SLCO3A1: variants seen among roughly 807,000 people sequenced by gnomAD.
SLCO3A1 encodes the protein solute carrier organic anion transporter family member 3A1, also known as PGE1 transporter.
In SLCO3A1, 27 loss-of-function variants were observed where a neutral mutation model predicts 63.1. The observed-to-expected ratio is 0.43, with a 90% CI of 0.32 to 0.59. SLCO3A1 has a LOEUF of 0.59. Among genes scored for constraint, SLCO3A1 ranks in the 20% least tolerant of loss-of-function variants. The pLI, the probability that SLCO3A1 is intolerant of heterozygous loss-of-function variation, is 0.09. For synonymous variants in SLCO3A1, 473 were observed against 409.9 expected, an observed-to-expected ratio of 1.15 and a Z score of -1.86; for missense variants, 773 against 945.8, an observed-to-expected ratio of 0.82 and a Z score of 2.40.
rs1170202401 is a variant in SLCO3A1 at position 91,989,937 on chromosome 15, C to T, written c.646+73479C>T. On this transcript the variant is annotated intron_variant, in intron 2 of 9. Transcript: ENST00000318445. ...AGATTATGAGAATGAAAACTTCTTC[C>T]ATTTGCCTTGAAAAGATTAGCTGTA... Among the ~76,000 whole-genome samples the T allele has an allele frequency of 2.0e-5, 3 of 152,172 alleles. 1 individual carries two copies. Among genetic ancestry groups the T allele is most frequent in the Middle Eastern group, 6.3e-3 (2 of 316 alleles).
At position 92,128,504 on chromosome 15, in the gene SLCO3A1, C is replaced by T. The variant is rs757093130; in HGVS notation, c.1512+15C>T. On this transcript the variant is annotated intron_variant, in intron 7 of 9. Transcript: ENST00000318445. ...GCAACAGCACGGTAATGGGATGGGG[C>T]AGGGGATGGGGCAGGGGATTCAGGC... The T allele has an allele frequency of 3.2e-6, 5 of 1,563,574 alleles. No individual in the cohort carries two copies. In the Admixed American group the frequency reaches 6.9e-5, roughly 22 times the overall value.
In SLCO3A1 at chr15:91,883,003, C is replaced by G. The variant is rs994310215; in HGVS notation, c.180+28915C>G. Among the ~76,000 whole-genome samples the G allele has an allele frequency of 1.3e-5, 2 of 152,182 alleles. No individual in the cohort carries two copies. Among genetic ancestry groups the G allele is most frequent in the African/African-American group, 4.8e-5 (2 of 41,440 alleles). On this transcript the variant is annotated intron_variant, in intron 1 of 9. Transcript: ENST00000318445. The surrounding 1 kb of genome is among the most constrained non-coding windows in gnomAD (Gnocchi z 4.8). ...GTGAGTAAGGGAATGACAGATGGGA[C>G]AGCAGCCACCATGCAAGCCAGGCAG...
chr15:92,160,979 G>T (rs1567155166), intron 9 of SLCO3A1, among the ~76,000 whole-genome samples: 1 of 152,148 alleles, frequency 6.6e-6, no homozygotes, highest in Non-Finnish European at 1.5e-5. Context: ...GGTGCATTTT[G>T]CTGGGCTATG....
chr15:91,944,940 A>G (rs970219829), intron 2 of SLCO3A1, among the ~76,000 whole-genome samples: 1 of 152,132 alleles, frequency 6.6e-6, no homozygotes, highest in African/African-American at 2.4e-5. Context: ...CTTTTCTCCA[A>G]TATTCTCTTT....
In SLCO3A1 at chr15:91,869,522, G is replaced by GAA. The variant is rs67400392; in HGVS notation, c.180+15446_180+15447dup. Reference sequence around the variant, plus strand: ...CTGCACTCCAGTCTCTGTCTCAAAGGAAAAAAAAAAAAATTAAAAAATTAG... The same window carrying GAA: ...CTGCACTCCAGTCTCTGTCTCAAAGGAAAAAAAAAAAAAAATTAAAAAATTAG... On this transcript the variant is annotated intron_variant, in intron 1 of 9. Coordinates refer to ENST00000318445, the MANE Select transcript of SLCO3A1 (RefSeq NM_013272.4). 3.0e-3 allele frequency among the ~76,000 whole-genome samples: 438 copies of GAA among 144,110 alleles called. 5 individuals carry two copies. The highest frequency in any genetic ancestry group is 8.6e-3 in the African/African-American group (334 of 38,972). 94.5% of individuals were successfully genotyped at this position (144,110 alleles called of 152,430 possible). A position where few individuals can be genotyped will look rare whatever the true frequency, so the allele number is the denominator to read the frequency against.
intron 7 of SLCO3A1, among the ~76,000 whole-genome samples, chr15:92,129,445 C>G (rs1275058422): frequency 1.3e-5 from 2 of 152,206 alleles, no homozygotes; most frequent in Non-Finnish European, 2.9e-5. Flanking sequence ...CCAATGTCCC[C>G]TCCTCTGAAA....
intron 1 of SLCO3A1, among the ~76,000 whole-genome samples, chr15:91,871,551 A>G (rs1897278274): frequency 6.6e-6 from 1 of 152,194 alleles, no homozygotes; most frequent in Admixed American, 6.5e-5. Flanking sequence ...TCAGAAGAAG[A>G]GAATATAGGG....
At chr15:91,878,064 A>G (rs1161829105) in intron 1 of SLCO3A1, among the ~76,000 whole-genome samples, 6 of 149,752 alleles carry the variant, frequency 4.0e-5, no homozygotes, top group Non-Finnish European at 5.9e-5. Context: ...ATCAGGTGGC[A>G]TCTGAAGTAG....
In SLCO3A1 at chr15:91,854,192, C is replaced by A; in HGVS notation, c.180+104C>A. On this transcript the variant is annotated intron_variant, in intron 1 of 9. Transcript: ENST00000318445. This position sits in a 1 kb window ranked among gnomAD's most constrained non-coding sequence, Gnocchi z 6.4. ...CCGCCCGGCGCTGGGGGCAGGCGGG[C>A]ATGACCTCGGCCCGGCGTGGAGGTT... is the stretch of plus-strand genomic sequence containing the variant. 2 of 1,176,906 alleles carry A rather than the reference C, an allele frequency of 1.7e-6. No individual in the cohort carries two copies. The highest frequency in any genetic ancestry group is 2.2e-6 in the Non-Finnish European group (2 of 917,210). The allele number at this position is 1,176,906 out of a possible 1,614,324, so 72.9% of individuals were successfully genotyped here. A position where few individuals can be genotyped will look rare whatever the true frequency, so the allele number is the denominator to read the frequency against.
chr15:91,966,284 C>G (rs925665148), intron 2 of SLCO3A1, among the ~76,000 whole-genome samples: 2 of 152,152 alleles, frequency 1.3e-5, no homozygotes, highest in African/African-American at 4.8e-5. Flanking sequence ...AGAGTTCAGG[C>G]TTTGTACTGA....
chr15:92,131,895 G>T (rs2048001395), intron 7 of SLCO3A1, among the ~76,000 whole-genome samples: 1 of 145,880 alleles, frequency 6.9e-6, no homozygotes, highest in Admixed American at 6.8e-5. Context: ...CCCTGCTCTT[G>T]CCTAGCAAGG....
Position 92,164,495 on chromosome 15 carries a change from T to A in SLCO3A1, c.*1360T>A. 3 of 985,442 alleles carry A rather than the reference T, an allele frequency of 3.0e-6. No individual in the cohort carries two copies. Among genetic ancestry groups the A allele is most frequent in the Non-Finnish European group, 3.6e-6 (3 of 829,938 alleles). The allele number at this position is 985,442 out of a possible 1,614,324, so 61.0% of individuals were successfully genotyped here. ...TCATGCTTGACATTCCAAGAGGCGT[T>A]CTTTTCAGCCTGTGGAGGAGACACT... On this transcript the variant is annotated 3_prime_UTR_variant, in exon 10 of 10. Coordinates refer to ENST00000318445, the MANE Select transcript of SLCO3A1 (RefSeq NM_013272.4).
chr15:92,170,211 T>C (rs1197083235), downstream of SLCO3A1, among the ~76,000 whole-genome samples: 1 of 152,168 alleles, frequency 6.6e-6, no homozygotes. Context: ...TCTAAGGCCA[T>C]AAAATGAATT....
At chr15:91,868,317 G>A (rs1897215267) in intron 1 of SLCO3A1, among the ~76,000 whole-genome samples, 1 of 144,852 alleles carries the variant, frequency 6.9e-6, no homozygotes, top group South Asian at 2.2e-4. Flanking sequence ...CTCACAAAGT[G>A]CTGGGATTAC....
In SLCO3A1 at chr15:92,132,376, A is replaced by G. The variant is rs571920283; in HGVS notation, c.1512+3887A>G. Among the ~76,000 whole-genome samples the G allele has an allele frequency of 8.3e-5, 12 of 144,050 alleles. No homozygotes were observed. In the South Asian group the frequency reaches 2.6e-3, roughly 32 times the overall value. 94.5% of individuals were successfully genotyped at this position (144,050 alleles called of 152,430 possible). Reference sequence around the variant, plus strand: ...TTCTTATATCTCCTTGAGTGATAGCAATGGAAGTTTCCAGGCCTGCATTTA... The same window carrying G: ...TTCTTATATCTCCTTGAGTGATAGCGATGGAAGTTTCCAGGCCTGCATTTA... On this transcript the variant is annotated intron_variant, in intron 7 of 9. Transcript: ENST00000318445.
At chr15:92,101,786 A>G (rs2047608038) in intron 3 of SLCO3A1, among the ~76,000 whole-genome samples, 1 of 152,142 alleles carries the variant, frequency 6.6e-6, no homozygotes, top group African/African-American at 2.4e-5. Context: ...CACCACCTTC[A>G]CGCAGGCCCC....
intron 2 of SLCO3A1, among the ~76,000 whole-genome samples, chr15:91,984,201 T>C (rs1307526210): frequency 2.0e-5 from 3 of 152,216 alleles, no homozygotes; most frequent in Admixed American, 2.0e-4. Context: ...GTTGGCCTTT[T>C]CCAGGAGGCG....
At chr15:92,087,549 G>A (rs150617558) in intron 2 of SLCO3A1, among the ~76,000 whole-genome samples, 1,807 of 127,148 alleles carry the variant, frequency 0.014, 35 homozygotes, top group African/African-American at 0.053. Context: ...CTGGAGTTTC[G>A]CTTTTGTTGC....
intron 4 of SLCO3A1, among the ~76,000 whole-genome samples, chr15:92,111,794 T>C (rs2047732406): frequency 6.6e-6 from 1 of 152,244 alleles, no homozygotes; most frequent in East Asian, 1.9e-4. Flanking sequence ...ATGAAGGAAA[T>C]AATTAGAAGG....
Sources: gnomAD v4.1 joint callset for allele counts (sites outside exome capture counted in the v4.1 genomes callset) on GRCh38, gnomAD v4.1.1 for gene constraint, Gnocchi (gnomAD v3.1) non-coding constraint, MANE v1.5 for transcripts, NCBI Gene and HGNC (gene_info 2026-07-23, HGNC 2026-07-21) for gene names.